SLC36A2: variants seen among roughly 807,000 people sequenced by gnomAD.
SLC36A2 encodes the protein solute carrier family 36 member 2, also known as proton-coupled amino acid transporter 2.
SLC36A2 carries 39 observed loss-of-function variants against 42.7 expected under a neutral mutation model. The observed-to-expected ratio is 0.91, with a 90% CI of 0.71 to 1.19. SLC36A2 has a LOEUF of 1.19. Among genes scored for constraint, SLC36A2 ranks in the 50% most tolerant of loss-of-function variants. SLC36A2 has a pLI of 0.00. For synonymous variants in SLC36A2, 237 were observed against 240.8 expected (o/e 0.98, Z 0.15); for missense variants, 590 against 613.7 (o/e 0.96, Z 0.41).
intron 7 of SLC36A2, among the ~76,000 whole-genome samples, chr5:151,332,118 C>T (rs1247404160): frequency 2.6e-5 from 4 of 152,066 alleles, no homozygotes; most frequent in East Asian, 1.9e-4. Flanking sequence ...CTGCCTGCCT[C>T]GGCCTCCCAA....
intron 5 of SLC36A2, among the ~76,000 whole-genome samples, chr5:151,338,360 A>G (rs538413642): frequency 1.6e-4 from 24 of 152,302 alleles, no homozygotes; most frequent in African/African-American, 4.6e-4. Flanking sequence ...CCTAGGGACA[A>G]TAACTATTAA....
chr5:151,343,851 A>G (rs185122066), intron 2 of SLC36A2, among the ~76,000 whole-genome samples: 92 of 152,292 alleles, frequency 6.0e-4, no homozygotes, highest in Non-Finnish European at 1.0e-3. Flanking sequence ...AATCCTGACC[A>G]TGTGTGCCCT....
chr5:151,326,647 A>G (rs368844115), intron 7 of SLC36A2, among the ~76,000 whole-genome samples: 5 of 151,976 alleles, frequency 3.3e-5, no homozygotes, highest in East Asian at 1.9e-4. Context: ...TTTGAAACCA[A>G]TCTTCCTGTC....
chr5:151,323,052 A>G (rs1755741030), intron 8 of SLC36A2, among the ~76,000 whole-genome samples: 1 of 152,152 alleles, frequency 6.6e-6, no homozygotes, highest in Non-Finnish European at 1.5e-5. Flanking sequence ...TCTGGCCAAC[A>G]TGGCGAAACC....
chr5:151,327,914 G>C lies in SLC36A2; in HGVS notation c.844-2462C>G, dbSNP rs143988930. On this transcript the variant is annotated intron_variant, in intron 7 of 9. Coordinates refer to ENST00000335244, the MANE Select transcript of SLC36A2 (RefSeq NM_181776.3). ...ACTGAAGTCACCTTCTCTCTCTGGGGCTCTCCCTCTTCTGTAAAATTGGAG... is the reference window on the plus strand; with the variant it reads ...ACTGAAGTCACCTTCTCTCTCTGGGCCTCTCCCTCTTCTGTAAAATTGGAG... 2.1e-3 allele frequency among the ~76,000 whole-genome samples: 319 copies of C among 152,282 alleles called. 2 individuals are homozygous for C. Among genetic ancestry groups the C allele is most frequent in the African/African-American group, 7.4e-3 (307 of 41,572 alleles).
In SLC36A2 at chr5:151,347,471, G is replaced by A; in HGVS notation, c.-11C>T. On this transcript the variant is annotated 5_prime_UTR_variant, in exon 1 of 10. Transcript: ENST00000335244. ...TTTTGTCACAGACATGACTGCTTAA[G>A]AAACAAGGAGCTCGGGGTGACAAAG... is the stretch of plus-strand genomic sequence containing the variant. The A allele has an allele frequency of 2.5e-6, 4 of 1,613,464 alleles. No individual in the cohort carries two copies. The highest frequency in any genetic ancestry group is 3.4e-6 in the Non-Finnish European group (4 of 1,179,994).
intron 5 of SLC36A2, chr5:151,338,789 A>T: frequency 2.9e-6 from 1 of 339,676 alleles, no homozygotes; most frequent in Admixed American, 3.9e-5. Context: ...AGGCAGGAGG[A>T]TTAACAAAAT....
chr5:151,336,202 A>G (rs936969130), intron 5 of SLC36A2, among the ~76,000 whole-genome samples: 1 of 152,164 alleles, frequency 6.6e-6, no homozygotes, highest in Non-Finnish European at 1.5e-5. Context: ...TGGCATAGCT[A>G]GGGGATTAGC....
Position 151,335,348 on chromosome 5 carries a change from A to G in SLC36A2, c.725T>C (p.Ile242Thr), listed in dbSNP as rs1224031932. The G allele has an allele frequency of 1.2e-6, 2 of 1,613,294 alleles. No homozygotes were observed. The highest frequency in any genetic ancestry group is 1.7e-6 in the Non-Finnish European group (2 of 1,179,788). Reference protein sequence around the residue: ...NISMLVSLVIIIQYITQEIPD... With the variant: ...NISMLVSLVITIQYITQEIPD... ...ACTCACCTGGGTAATGTACTGTATG[A>G]TGATGACCAAGCTGACCAGCATGCT... The change falls in exon 6 of 10, where the codon ATC becomes ACC. Residue 242 changes from isoleucine to threonine, a missense_variant. By Grantham distance (89) the Ile-to-Thr change is moderately conservative. Coordinates refer to ENST00000335244, the MANE Select transcript of SLC36A2 (RefSeq NM_181776.3).
chr5:151,334,666 G>A (rs1942451557), intron 6 of SLC36A2, among the ~76,000 whole-genome samples: 1 of 150,940 alleles, frequency 6.6e-6, no homozygotes, highest in African/African-American at 2.5e-5. Flanking sequence ...ACTCCAGCCT[G>A]GGTGAAAGAT....
chr5:151,331,426 C>G (rs1175242711), intron 7 of SLC36A2, among the ~76,000 whole-genome samples: 1 of 151,814 alleles, frequency 6.6e-6, no homozygotes, highest in Non-Finnish European at 1.5e-5. Context: ...AAGTGATTCT[C>G]CTGCTTGGTT....
chr5:151,343,834 G>C (rs545279231), intron 2 of SLC36A2, among the ~76,000 whole-genome samples: 11 of 152,164 alleles, frequency 7.2e-5, no homozygotes, highest in African/African-American at 2.7e-4. Flanking sequence ...GGAGTAGGGG[G>C]ACAGAGAATC....
chr5:151,322,042 T>TCA lies in SLC36A2; in HGVS notation c.1180+2_1180+3dup. On this transcript the variant is annotated splice_donor_region_variant and intron_variant, in intron 9 of 9. Transcript: ENST00000335244. ...AGGAACACTGCACTCTCCTTTCTACTCACATGTCAGGCAGACCATGACGAG... is the reference window on the plus strand; with the variant it reads ...AGGAACACTGCACTCTCCTTTCTACTCACACATGTCAGGCAGACCATGACGAG... The TCA allele has an allele frequency of 3.7e-6, 6 of 1,614,100 alleles. No individual in the cohort carries two copies. Among genetic ancestry groups the TCA allele is most frequent in the Non-Finnish European group, 5.1e-6 (6 of 1,180,016 alleles).
chr5:151,330,552 G>T (rs1475066161), intron 7 of SLC36A2, among the ~76,000 whole-genome samples: 1 of 152,206 alleles, frequency 6.6e-6, no homozygotes, highest in Non-Finnish European at 1.5e-5. Flanking sequence ...GTTAATGAAG[G>T]TTCTTCATGC....
At chr5:151,340,667 A>G (rs536381887) in intron 4 of SLC36A2, among the ~76,000 whole-genome samples, 152 of 152,354 alleles carry the variant, frequency 1.0e-3, no homozygotes, top group African/African-American at 3.5e-3. Context: ...AGAATGGTCA[A>G]TTATACACAT....
At chr5:151,325,488 T>A in intron 7 of SLC36A2, 36 bp from the exon 8 acceptor site, 2 of 1,610,058 alleles carry the variant, frequency 1.2e-6, no homozygotes, top group Non-Finnish European at 1.7e-6. Flanking sequence ...GGAGAAAGAG[T>A]AACATGAACA....
Position 151,343,552 on chromosome 5 carries a change from C to T in SLC36A2, c.302G>A (p.Cys101Tyr), listed in dbSNP as rs1450764388. The T allele has an allele frequency of 1.9e-6, 3 of 1,614,082 alleles. No individual in the cohort carries two copies. Among genetic ancestry groups the T allele is most frequent in the African/African-American group, 1.3e-5 (1 of 74,924 alleles). ...GGCACACTTGACCAGGATGTGCATACAGTGGCAGGCAATGAAGCCCATCAC... is the reference window on the plus strand; with the variant it reads ...GGCACACTTGACCAGGATGTGCATATAGTGGCAGGCAATGAAGCCCATCAC... ...LLVMGFIACH[C>Y]MHILVKCAQR... Residue 101 changes from cysteine (C) to tyrosine (Y), a missense_variant, in exon 3 of 10, where the codon TGT (cysteine) becomes TAT (tyrosine). Coordinates refer to ENST00000335244, the MANE Select transcript of SLC36A2 (RefSeq NM_181776.3).
At position 151,335,529 on chromosome 5, in the gene SLC36A2, T is replaced by A; in HGVS notation, c.544A>T (p.Ser182Cys). ...TTGGAATAGCAGTTGTTGGTTGTGC[T>A]ATTAACAGCTTCCACTACCTGAGGA... The part of the protein sequence containing the change: ...NLKQVVEAVN[S>C]TTNNCYSNET... Residue 182 changes from serine to cysteine, a missense_variant, in exon 6 of 10, where the codon AGC becomes TGC. By Grantham distance (112) the Ser-to-Cys change is moderately radical. Transcript: ENST00000335244. 1 of 1,613,990 alleles carries A rather than the reference T, an allele frequency of 6.2e-7. No homozygotes were observed. The highest frequency in any genetic ancestry group is 1.1e-5 in the South Asian group (1 of 91,084).
chr5:151,342,864 G>T, intron 4 of SLC36A2, 24 bp downstream of exon 4: 4 of 1,604,336 alleles, frequency 2.5e-6, no homozygotes, highest in Non-Finnish European at 3.4e-6. Context: ...CTACCCCACT[G>T]CAGGCAAAGC....
Sources: allele counts gnomAD v4.1 joint callset (sites outside exome capture counted in the v4.1 genomes callset), GRCh38; gene constraint gnomAD v4.1.1; transcripts MANE v1.5; gene names NCBI Gene and HGNC (gene_info 2026-07-23, HGNC 2026-07-21).